LARP4: variants seen among roughly 807,000 people sequenced by gnomAD.
LARP4 encodes the protein La ribonucleoprotein 4, also known as la-related protein 4.
In LARP4, 29 loss-of-function variants were observed where a neutral mutation model predicts 92.9. The ratio of observed to expected loss-of-function variants is 0.31; its 90% CI spans 0.23 to 0.43. The LOEUF (loss-of-function observed/expected upper bound fraction) is 0.43, where lower values mean the gene tolerates loss of function less well. Among genes scored for constraint, LARP4 ranks in the 20% least tolerant of loss-of-function variants. The pLI is 1.00. For synonymous variants in LARP4, 279 were observed against 284.1 expected, an observed-to-expected ratio of 0.98 and a Z score of 0.18; for missense variants, 732 against 860.0, an observed-to-expected ratio of 0.85 and a Z score of 1.86.
chr12:50,442,594 ATTC>A (rs1161666654), intron 8 of LARP4, among the ~76,000 whole-genome samples: 2 of 152,212 alleles, frequency 1.3e-5, no homozygotes, highest in Non-Finnish European at 2.9e-5. Context: ...TGCTATAGTT[ATTC>A]TTATTTGTAA....
In LARP4 at chr12:50,476,091, TAC is replaced by T. The variant is rs1482300633; in HGVS notation, c.*235_*236del. 4.7e-6 allele frequency: 1 copy of T among 214,088 alleles called. No homozygotes were observed. Among genetic ancestry groups the T allele is most frequent in the East Asian group, 1.0e-4 (1 of 9,960 alleles). 13.3% of individuals were successfully genotyped at this position (214,088 alleles called of 1,614,324 possible). On this transcript the variant is annotated 3_prime_UTR_variant, in exon 16 of 16. Transcript: ENST00000398473. ...ATCAATATAAATATATATATATATA[TAC>T]ACACACATATATAAAAAGTATAATT...
rs547924372 is a variant in LARP4 at position 50,440,208 on chromosome 12, G to A, written c.640-231G>A. Among the ~76,000 whole-genome samples the A allele has an allele frequency of 1.8e-4, 28 of 152,218 alleles. No individual in the cohort carries two copies. In the South Asian group the frequency reaches 4.6e-3, roughly 25 times the overall value. On this transcript the variant is annotated intron_variant, in intron 6 of 15. Transcript: ENST00000398473. Reference sequence around the variant, plus strand: ...TCTCAGCACTTTGGAGTGCTCAGGCGGAAGGATCGCTTGCATCCGGGAGTT... The same window carrying A: ...TCTCAGCACTTTGGAGTGCTCAGGCAGAAGGATCGCTTGCATCCGGGAGTT...
At chr12:50,460,126 C>G (rs1157068560) in intron 10 of LARP4, among the ~76,000 whole-genome samples, 1 of 148,840 alleles carries the variant, frequency 6.7e-6, no homozygotes, top group African/African-American at 2.5e-5. Flanking sequence ...CAGAGCAAGA[C>G]TCCATCTCAC....
intron 8 of LARP4, among the ~76,000 whole-genome samples, chr12:50,447,865 C>G (rs57594106): frequency 9.2e-5 from 14 of 151,714 alleles, no homozygotes; most frequent in Admixed American, 2.0e-4. Context: ...CACTCCCCCC[C>G]CATTTTTTTC....
At chr12:50,401,427 T>G (rs980839437) in intron 1 of LARP4, 24 of 218,648 alleles carry the variant, frequency 1.1e-4, no homozygotes, top group African/African-American at 5.5e-4. Context: ...GGGGCCCCTC[T>G]GGGAGGGAGG....
chr12:50,471,886 T>G (rs1956977643), intron 13 of LARP4, among the ~76,000 whole-genome samples: 1 of 152,200 alleles, frequency 6.6e-6, no homozygotes, highest in Non-Finnish European at 1.5e-5. Context: ...GCACTAATCC[T>G]TTGTCAGTTA....
At chr12:50,447,036 T>C (rs1593199558) in intron 8 of LARP4, among the ~76,000 whole-genome samples, 1 of 152,198 alleles carries the variant, frequency 6.6e-6, no homozygotes, top group Non-Finnish European at 1.5e-5. Context: ...TCATTTGATA[T>C]TCCCAGCAAC....
chr12:50,457,022 C>G (rs908925996), intron 10 of LARP4, among the ~76,000 whole-genome samples: 1 of 152,052 alleles, frequency 6.6e-6, no homozygotes, highest in Non-Finnish European at 1.5e-5. Context: ...AAGCAATTCT[C>G]TGGCCTCAGC....
At chr12:50,421,641 ACAAAATAAATAAATAAATAAAT>A (rs1393970319) in intron 1 of LARP4, among the ~76,000 whole-genome samples, 9 of 144,126 alleles carry the variant, frequency 6.2e-5, no homozygotes, top group Non-Finnish European at 7.4e-5. Flanking sequence ...AGACTTCATC[ACAAAATAAATAAATAAATAAAT>A]AAATAAATAA....
chr12:50,473,817 G>C, intron 14 of LARP4, among the ~76,000 whole-genome samples, 182 bp from the exon 15 acceptor site: 2 of 139,758 alleles, frequency 1.4e-5, no homozygotes, highest in Non-Finnish European at 3.1e-5. Context: ...GGGGGGGTGG[G>C]GGGGGTGGGG....
At chr12:50,447,780 C>G (rs1026632220) in intron 8 of LARP4, among the ~76,000 whole-genome samples, 1 of 152,040 alleles carries the variant, frequency 6.6e-6, no homozygotes, top group African/African-American at 2.4e-5. Context: ...AAACTCCTGA[C>G]TCAAGTGATC....
chr12:50,420,947 C>CTTTTTTTTTTTTTTTTTTTTTTTTT (rs71083567), intron 1 of LARP4: 17 of 111,438 alleles, frequency 1.5e-4, no homozygotes, highest in African/African-American at 5.8e-4. Context: ...ATAACCTTTG[C>CTTTTTTTTTTTTTTTTTTTTTTTTT]TTTTTTTTTT....
intron 8 of LARP4, among the ~76,000 whole-genome samples, chr12:50,446,826 G>T (rs1391115154): frequency 1.3e-5 from 2 of 152,054 alleles, no homozygotes; most frequent in African/African-American, 4.8e-5. Context: ...CATTACTTAG[G>T]TAAAAGCAAT....
At position 50,475,604 on chromosome 12, in the gene LARP4, C is replaced by T. The variant is rs774826971; in HGVS notation, c.1915C>T (p.Arg639Trp). 13 of 1,613,980 alleles carry T rather than the reference C, an allele frequency of 8.1e-6. No individual in the cohort carries two copies. Among genetic ancestry groups the T allele is most frequent in the African/African-American group, 4.0e-5 (3 of 74,884 alleles). The stretch of plus-strand genomic sequence containing the variant: ...ATCTTCAGTTCTTGTGCAGCCACTA[C>T]GGGAACTTCGCTCCAATGTGGTGTC... ...EPSSVLVQPL[R>W]ELRSNVVSPT... The change falls in exon 16 of 16, where the codon CGG becomes TGG. Residue 639 changes from arginine (R) to tryptophan (W), a missense_variant. By Grantham distance (101) the Arg-to-Trp change is moderately radical. Transcript: ENST00000398473.
chr12:50,437,896 C>A (rs1437456939), intron 6 of LARP4, 58 bp downstream of exon 6: 12 of 1,172,118 alleles, frequency 1.0e-5, no homozygotes, highest in Admixed American at 8.3e-5. Flanking sequence ...AAAGAGGTTT[C>A]TTCTGCCTTT....
chr12:50,462,560 C>T, intron 11 of LARP4, 22 bp from the exon 12 acceptor site: 1 of 1,442,448 alleles, frequency 6.9e-7, no homozygotes, highest in Non-Finnish European at 9.6e-7. Context: ...CCACCCCACC[C>T]CCACCTTTTT....
chr12:50,473,944 C>T, intron 14 of LARP4, 55 bp from the exon 15 acceptor site: 1 of 1,467,338 alleles, frequency 6.8e-7, no homozygotes, highest in Admixed American at 2.0e-5. Context: ...TGATTAGTTG[C>T]TCAACTGTTC....
At chr12:50,456,935 ACGGAGT>A in intron 10 of LARP4, among the ~76,000 whole-genome samples, 1 of 150,880 alleles carries the variant, frequency 6.6e-6, no homozygotes, top group Non-Finnish European at 1.5e-5. Context: ...TTTTTTTGAG[ACGGAGT>A]CGTGCTCTGT....
At chr12:50,409,346 G>T (rs1945421898) in intron 1 of LARP4, among the ~76,000 whole-genome samples, 1 of 152,060 alleles carries the variant, frequency 6.6e-6, no homozygotes. Flanking sequence ...TATCACGTAG[G>T]GATGTTAAGA....
Sources: gnomAD v4.1 joint callset for allele counts (sites outside exome capture counted in the v4.1 genomes callset) on GRCh38, gnomAD v4.1.1 for gene constraint, MANE v1.5 for transcripts, NCBI Gene and HGNC (gene_info 2026-07-23, HGNC 2026-07-21) for gene names.